DEPDC1B: variants seen among roughly 807,000 people sequenced by gnomAD.
DEPDC1B encodes the protein DEP domain-containing protein 1B.
DEPDC1B carries 51 observed loss-of-function variants against 66.5 expected under a neutral mutation model. The observed-to-expected ratio is 0.77, with a 90% confidence interval of 0.61 to 0.97. The LOEUF (loss-of-function observed/expected upper bound fraction) is 0.97, where lower values mean the gene tolerates loss of function less well. Among genes scored for constraint, DEPDC1B ranks in the 50% least tolerant of loss-of-function variants. The pLI is 0.00. For missense variants in DEPDC1B, 552 were observed against 637.1 expected, an observed-to-expected ratio of 0.87 and a Z score of 1.44; for synonymous variants, 226 against 223.6, an observed-to-expected ratio of 1.01 and a Z score of -0.10.
intron 2 of DEPDC1B, among the ~76,000 whole-genome samples, chr5:60,659,658 C>G (rs1181574804): frequency 6.6e-6 from 1 of 152,206 alleles, no homozygotes; most frequent in African/African-American, 2.4e-5. Context: ...CATGTATGCG[C>G]CCCACCTTTC....
chr5:60,658,394 G>C (rs1429225502), intron 2 of DEPDC1B, among the ~76,000 whole-genome samples: 1 of 152,146 alleles, frequency 6.6e-6, no homozygotes, highest in Non-Finnish European at 1.5e-5. Flanking sequence ...TACCAGAATT[G>C]TTTTTCTGCT....
chr5:60,660,173 G>C (rs190567551), intron 2 of DEPDC1B, among the ~76,000 whole-genome samples: 1 of 151,790 alleles, frequency 6.6e-6, no homozygotes, highest in East Asian at 1.9e-4. Context: ...GAGAAAGAGA[G>C]AGAGACAGAG....
At chr5:60,670,713 A>C (rs1211114387) in intron 2 of DEPDC1B, among the ~76,000 whole-genome samples, 3 of 152,216 alleles carry the variant, frequency 2.0e-5, no homozygotes, top group Non-Finnish European at 4.4e-5. Flanking sequence ...TGGGAACCAG[A>C]GGGTGGAAGC....
At chr5:60,686,281 G>A (rs1754410862) in intron 2 of DEPDC1B, among the ~76,000 whole-genome samples, 1 of 151,132 alleles carries the variant, frequency 6.6e-6, no homozygotes, top group South Asian at 2.1e-4. Flanking sequence ...TTCCTTTATG[G>A]ACCTGTGTGA....
chr5:60,608,561 T>C (rs1338807138), intron 7 of DEPDC1B, among the ~76,000 whole-genome samples: 1 of 150,378 alleles, frequency 6.6e-6, no homozygotes, highest in Non-Finnish European at 1.5e-5. Flanking sequence ...TTTTAAAAAA[T>C]AAAAGCATGC....
At chr5:60,641,346 CTTCT>C (rs1753186997) in intron 6 of DEPDC1B, among the ~76,000 whole-genome samples, 1 of 137,888 alleles carries the variant, frequency 7.3e-6, no homozygotes, top group Non-Finnish European at 1.5e-5. Context: ...AGCTGATCAA[CTTCT>C]TTTTTTTTTT....
chr5:60,640,087 T>C (rs1753153028), intron 6 of DEPDC1B, among the ~76,000 whole-genome samples: 1 of 152,252 alleles, frequency 6.6e-6, no homozygotes, highest in South Asian at 2.1e-4. Context: ...CTCTCTTACC[T>C]TTCAATATTC....
At chr5:60,675,173 C>T (rs1251144344) in intron 2 of DEPDC1B, among the ~76,000 whole-genome samples, 1 of 152,154 alleles carries the variant, frequency 6.6e-6, no homozygotes, top group African/African-American at 2.4e-5. Flanking sequence ...CTGTCGGTTT[C>T]CACTGTAGGG....
At chr5:60,608,129 T>C (rs1377963673) in intron 7 of DEPDC1B, among the ~76,000 whole-genome samples, 1 of 152,212 alleles carries the variant, frequency 6.6e-6, no homozygotes, top group East Asian at 1.9e-4. Flanking sequence ...AGTATGCTGA[T>C]GGTCTGAATG....
chr5:60,633,968 G>A (rs937382812), intron 7 of DEPDC1B, among the ~76,000 whole-genome samples: 2 of 152,194 alleles, frequency 1.3e-5, no homozygotes, highest in African/African-American at 2.4e-5. Context: ...TGTTGGGTGT[G>A]TGAGACAGAG....
intron 7 of DEPDC1B, among the ~76,000 whole-genome samples, chr5:60,617,172 A>G (rs1017310452): frequency 6.6e-6 from 1 of 152,280 alleles, no homozygotes; most frequent in Non-Finnish European, 1.5e-5. Context: ...GGTACCAGCC[A>G]CTGCAAAATC....
chr5:60,645,670 C>A, intron 3 of DEPDC1B, 51 bp from the exon 4 acceptor site: 1 of 1,538,594 alleles, frequency 6.5e-7, no homozygotes, highest in Non-Finnish European at 8.8e-7. Flanking sequence ...GGTAGAAAGA[C>A]AGTGAATAAA....
In DEPDC1B at chr5:60,687,221, C is replaced by A. The variant is rs751242399; in HGVS notation, c.55G>T (p.Glu19Ter). 6.2e-7 allele frequency: 1 copy of A among 1,607,866 alleles called. No homozygotes were observed. The highest frequency in any genetic ancestry group is 8.5e-7 in the Non-Finnish European group (1 of 1,174,648). The change falls in exon 2 of 11, where the codon GAG (glutamate) becomes TAG (stop). Residue 19 changes from glutamate (E) to a stop codon, truncating the protein, a stop_gained. Transcript: ENST00000265036. LOFTEE classifies it high-confidence loss of function. ...GPYRATRLWN[E>*]TVELFRAKMP... ...TTAGCACGAAAAAGCTCCACGGTCT[C>A]ATTCCACTAGGGGAAAGAAAGAGAA...
rs1752749700 is a variant in DEPDC1B, at chr5:60,623,377, C to T, written c.898+15373G>A. On this transcript the variant is annotated intron_variant, in intron 7 of 10. Coordinates refer to ENST00000265036, the MANE Select transcript of DEPDC1B (RefSeq NM_018369.3). ...CCACACTAAATATCAATATACTTTA[C>T]AGGAAGACTTTACAGTAAGATACCA... Among the ~76,000 whole-genome samples, 4 of 152,218 alleles carry T rather than the reference C, an allele frequency of 2.6e-5. No individual in the cohort carries two copies. The South Asian group carries it at 6.2e-4, about 24-fold the overall frequency.
At chr5:60,623,475 CT>C (rs1561363367) in intron 7 of DEPDC1B, among the ~76,000 whole-genome samples, 1 of 151,996 alleles carries the variant, frequency 6.6e-6, no homozygotes, top group African/African-American at 2.4e-5. Flanking sequence ...ATTTTTTCTC[CT>C]TTTCTCCACA....
At chr5:60,699,953 G>A in intron 1 of DEPDC1B, 93 bp downstream of exon 1, 1 of 1,457,254 alleles carries the variant, frequency 6.9e-7, no homozygotes, top group Non-Finnish European at 9.3e-7. Context: ...CCGCTGGCCT[G>A]CGGAAGCGAA....
intron 7 of DEPDC1B, among the ~76,000 whole-genome samples, chr5:60,610,655 A>G (rs1448453129): frequency 6.6e-6 from 1 of 152,240 alleles, no homozygotes; most frequent in African/African-American, 2.4e-5. Context: ...GGAAGAAGAT[A>G]TAAACTTATG....
rs938629626 is a variant in DEPDC1B at position 60,625,052 on chromosome 5, A to T, written c.898+13698T>A. Among the ~76,000 whole-genome samples the T allele has an allele frequency of 2.0e-5, 3 of 152,090 alleles. No individual in the cohort carries two copies. In the South Asian group the frequency reaches 6.2e-4, roughly 32 times the overall value. On this transcript the variant is annotated intron_variant, in intron 7 of 10. Transcript: ENST00000265036. Reference sequence around the variant, plus strand: ...AGAATGATGGTTTCCAGCTTCATCCATGTCCCTGCAAAGGACATGAACTCG... The same window carrying T: ...AGAATGATGGTTTCCAGCTTCATCCTTGTCCCTGCAAAGGACATGAACTCG...
rs1561384632 is a variant in DEPDC1B at position 60,668,034 on chromosome 5, ATTTTATATATATATAAAATGGATATT to A, written c.314+18902_314+18927del. ...TATTTTATATATATATAAAATGGATATTTTATATATATATAAAATGGATATTTTATATATATATAAAATGGATATTT... is the reference window on the plus strand; with the variant it reads ...TATTTTATATATATATAAAATGGATATTATATATATATAAAATGGATATTT... On this transcript the variant is annotated intron_variant, in intron 2 of 10. Transcript: ENST00000265036. Among the ~76,000 whole-genome samples the A allele has an allele frequency of 1.8e-4, 20 of 110,066 alleles. 1 individual carries two copies. Among genetic ancestry groups the A allele is most frequent in the Non-Finnish European group, 8.5e-5 (5 of 58,970 alleles). 72.2% of individuals were successfully genotyped at this position (110,066 alleles called of 152,430 possible). A position where few individuals can be genotyped will look rare whatever the true frequency, so the allele number is the denominator to read the frequency against.
Sources: gnomAD v4.1 joint callset for allele counts (sites outside exome capture counted in the v4.1 genomes callset) on GRCh38, gnomAD v4.1.1 for gene constraint, MANE v1.5 for transcripts, NCBI Gene and HGNC (gene_info 2026-07-23, HGNC 2026-07-21) for gene names.